Variants in IGF1R observed in about 807,000 individuals in gnomAD.
IGF1R encodes the protein insulin like growth factor 1 receptor.
IGF1R carries 44 observed loss-of-function variants against 144.6 expected under a neutral mutation model. The ratio of observed to expected loss-of-function variants is 0.30; its 90% CI spans 0.24 to 0.39. The LOEUF is 0.39. Ranked by LOEUF, IGF1R falls within the 10% of genes least tolerant of loss-of-function variation. IGF1R has a pLI of 1.00. For synonymous variants in IGF1R, 795 were observed against 722.8 expected (o/e 1.10, Z -1.60); for missense variants, 1,355 against 1,833.7 (o/e 0.74, Z 4.77).
At position 98,696,026 on chromosome 15, in the gene IGF1R, C is replaced by CTT. The variant is rs11306652; in HGVS notation, c.95-11519_95-11518dup. ...GTCTAAGACTGCCTGACTTTTTCTTCTTTTTTTTTTTTTTTTTTGGCAGCC... is the reference window on the plus strand; with the variant it reads ...GTCTAAGACTGCCTGACTTTTTCTTCTTTTTTTTTTTTTTTTTTTTGGCAGCC... On this transcript the variant is annotated intron_variant, in intron 1 of 20. Coordinates refer to ENST00000650285, the MANE Select transcript of IGF1R (RefSeq NM_000875.5). Among the ~76,000 whole-genome samples the CTT allele has an allele frequency of 6.3e-4, 73 of 115,648 alleles. 1 individual carries two copies. The highest frequency in any genetic ancestry group is 2.3e-3 in the African/African-American group (71 of 31,352). 75.9% of individuals were successfully genotyped at this position (115,648 alleles called of 152,430 possible).
At chr15:98,692,111 A>C (rs1819040586) in intron 1 of IGF1R, among the ~76,000 whole-genome samples, 1 of 151,690 alleles carries the variant, frequency 6.6e-6, no homozygotes, top group African/African-American at 2.4e-5. Context: ...CGAGGCGGGC[A>C]GATCACTTGA....
chr15:98,857,520 A>T (rs1330413874), intron 2 of IGF1R, among the ~76,000 whole-genome samples: 2 of 152,318 alleles, frequency 1.3e-5, no homozygotes, highest in African/African-American at 4.8e-5. Flanking sequence ...CGCCCAGCCT[A>T]CGTCTTTAAA....
At chr15:98,832,796 C>T (rs1352884979) in intron 2 of IGF1R, among the ~76,000 whole-genome samples, 1 of 152,214 alleles carries the variant, frequency 6.6e-6, no homozygotes, top group African/African-American at 2.4e-5. Flanking sequence ...AAAATTGATA[C>T]AAGGTATGCC....
intron 2 of IGF1R, among the ~76,000 whole-genome samples, chr15:98,787,822 ATG>A (rs1488961643): frequency 1.3e-5 from 2 of 152,208 alleles, no homozygotes; most frequent in Non-Finnish European, 2.9e-5. Context: ...TGGTAGGGAC[ATG>A]TGTCTGCTTT....
Position 98,961,564 on chromosome 15 carries a change from A to G in IGF1R, c.*4122A>G. The G allele has an allele frequency of 4.3e-6, 1 of 233,736 alleles. No homozygotes were observed. The allele number at this position is 233,736 out of a possible 1,614,324, so 14.5% of individuals were successfully genotyped here. ...TCTCTGTGTGTTCCAAATAATCTTA[A>G]GCTGAGTTGTGGCATTTTCCATGCA... On this transcript the variant is annotated 3_prime_UTR_variant, in exon 21 of 21. Coordinates refer to ENST00000650285, the MANE Select transcript of IGF1R (RefSeq NM_000875.5).
chr15:98,949,421 C>T (rs1238861625), intron 20 of IGF1R, among the ~76,000 whole-genome samples: 1 of 151,344 alleles, frequency 6.6e-6, no homozygotes, highest in Non-Finnish European at 1.5e-5. Context: ...CTCTGTCGCC[C>T]AGGCTGGAGT....
intron 2 of IGF1R, among the ~76,000 whole-genome samples, chr15:98,764,964 C>T (rs1192107246): frequency 6.6e-6 from 1 of 152,138 alleles, no homozygotes; most frequent in African/African-American, 2.4e-5. Flanking sequence ...GCAGTTAATC[C>T]CCATTCCCCT....
At chr15:98,907,941 G>C (rs761241214) in intron 5 of IGF1R, among the ~76,000 whole-genome samples, 3 of 152,238 alleles carry the variant, frequency 2.0e-5, no homozygotes, top group Non-Finnish European at 4.4e-5. Flanking sequence ...GATAAATGCA[G>C]ATTCTTTGCC....
At position 98,648,710 on chromosome 15, in the gene IGF1R, G is replaced by C. The variant is rs2052252748; in HGVS notation, c.-872G>C. The stretch of plus-strand genomic sequence containing the variant: ...GACGCCGCCAGCGAGCCTGCCCACG[G>C]CCGGCGCTCGCAGACCCTCGGCCCC... On this transcript the variant is annotated 5_prime_UTR_variant, in exon 1 of 21. Coordinates refer to ENST00000650285, the MANE Select transcript of IGF1R (RefSeq NM_000875.5). 6.8e-6 allele frequency among the ~76,000 whole-genome samples: 1 copy of C among 147,322 alleles called. No individual in the cohort carries two copies. The highest frequency in any genetic ancestry group is 2.1e-4 in the South Asian group (1 of 4,814).
chr15:98,690,714 T>C (rs894980656), intron 1 of IGF1R, among the ~76,000 whole-genome samples: 7 of 152,196 alleles, frequency 4.6e-5, no homozygotes, highest in Non-Finnish European at 8.8e-5. Flanking sequence ...CTCTTCCTGC[T>C]ACTCTCCCCA....
chr15:98,884,698 A>AG (rs1264346034), intron 2 of IGF1R, among the ~76,000 whole-genome samples: 2 of 151,460 alleles, frequency 1.3e-5, no homozygotes, highest in Non-Finnish European at 2.9e-5. Flanking sequence ...AAAAAAAAAA[A>AG]AAAAAAGAAA....
intron 2 of IGF1R, among the ~76,000 whole-genome samples, chr15:98,875,322 GTTTC>G (rs1186170632): frequency 3.6e-4 from 53 of 146,196 alleles, no homozygotes; most frequent in Non-Finnish European, 6.2e-4. Context: ...ATTCCTTTTA[GTTTC>G]TTTCTTTCTT....
intron 2 of IGF1R, among the ~76,000 whole-genome samples, chr15:98,772,250 T>C (rs1404449896): frequency 6.6e-6 from 1 of 152,150 alleles, no homozygotes; most frequent in Non-Finnish European, 1.5e-5. Context: ...CCAACTTTAC[T>C]AAAAACTACT....
At chr15:98,736,611 T>TTTTTTTTTTTTTTTTTTTTTG (rs2054614803) in intron 2 of IGF1R, among the ~76,000 whole-genome samples, 1 of 133,502 alleles carries the variant, frequency 7.5e-6, no homozygotes. Flanking sequence ...TTCTTTTTTC[T>TTTTTTTTTTTTTTTTTTTTTG]TTTTTCTTTT....
chr15:98,846,061 T>C (rs571595527), intron 2 of IGF1R, among the ~76,000 whole-genome samples: 41 of 152,326 alleles, frequency 2.7e-4, no homozygotes, highest in Middle Eastern at 3.4e-3. Context: ...GTAATAATTT[T>C]TCATTTCTAG....
intron 2 of IGF1R, among the ~76,000 whole-genome samples, chr15:98,877,754 AG>A (rs2013136436): frequency 1.3e-5 from 2 of 152,170 alleles, no homozygotes; most frequent in Admixed American, 1.3e-4. Flanking sequence ...TAAGTTCCAC[AG>A]GTAGTGCAAA....
intron 2 of IGF1R, among the ~76,000 whole-genome samples, chr15:98,723,873 C>T (rs1001309159): frequency 5.9e-5 from 9 of 151,972 alleles, no homozygotes; most frequent in Admixed American, 2.6e-4. Context: ...TTAAGTGGGG[C>T]AGTAGATTAG....
At chr15:98,927,915 A>C (rs1264627028) in intron 13 of IGF1R, among the ~76,000 whole-genome samples, 1 of 152,130 alleles carries the variant, frequency 6.6e-6, no homozygotes, top group East Asian at 1.9e-4. Flanking sequence ...CGTCCCAGAG[A>C]GGTCTCAGAT....
chr15:98,821,086 G>A (rs1434262314), intron 2 of IGF1R: 1 of 152,190 alleles, frequency 6.6e-6, no homozygotes, highest in Non-Finnish European at 1.5e-5. Flanking sequence ...AGAAGGTTAA[G>A]TAGATGAACT....
Sources: allele counts gnomAD v4.1 joint callset (sites outside exome capture counted in the v4.1 genomes callset), GRCh38; gene constraint gnomAD v4.1.1; transcripts MANE v1.5; gene names NCBI Gene and HGNC (gene_info 2026-07-23, HGNC 2026-07-21).